PPP6R2: variants seen among roughly 807,000 people sequenced by gnomAD.
PPP6R2 encodes the protein protein phosphatase 6 regulatory subunit 2.
A neutral mutation model predicts 100.2 loss-of-function variants in PPP6R2; 62 were observed. That is an observed-to-expected ratio of 0.62 (90% CI 0.50 to 0.76). The LOEUF is 0.76. Among genes scored for constraint, PPP6R2 ranks in the 30% least tolerant of loss-of-function variants. The probability of loss-of-function intolerance (pLI) is 0.00; values close to 1 mark genes in which losing one functional copy is unlikely to be tolerated. For synonymous variants in PPP6R2, 525 were observed against 514.7 expected (o/e 1.02, Z -0.27); for missense variants, 1,142 against 1,276.3 (o/e 0.89, Z 1.60).
intron 10 of PPP6R2, among the ~76,000 whole-genome samples, chr22:50,429,331 G>A (rs940003056): frequency 1.6e-4 from 24 of 152,174 alleles, no homozygotes; most frequent in Admixed American, 7.9e-4. Flanking sequence ...GCACCTGGCC[G>A]TATGTGGAAT....
At chr22:50,389,836 G>A (rs549440976) in intron 2 of PPP6R2, among the ~76,000 whole-genome samples, 1 of 151,948 alleles carries the variant, frequency 6.6e-6, no homozygotes, top group Non-Finnish European at 1.5e-5. Context: ...TGATCTGCCC[G>A]CCTTGGCCCC....
intron 1 of PPP6R2, among the ~76,000 whole-genome samples, chr22:50,350,013 G>A (rs1371720800): frequency 6.6e-6 from 1 of 151,790 alleles, no homozygotes; most frequent in Non-Finnish European, 1.5e-5. Context: ...AGCTATTCGG[G>A]AGCCTGAGGC....
Position 50,439,961 on chromosome 22 carries a change from C to A in PPP6R2, c.2286C>A (p.Cys762Ter). 6.2e-7 allele frequency: 1 copy of A among 1,613,374 alleles called. No homozygotes were observed. Among genetic ancestry groups the A allele is most frequent in the Non-Finnish European group, 8.5e-7 (1 of 1,179,770 alleles). ...AKFTDFQPFC[C>*]SESGPRCSSP... ...ATCCTGTCCTCGTCCTTGTATGCAGCTCCGAGTCAGGGCCCAGGTGCAGCT... is the reference window on the plus strand; with the variant it reads ...ATCCTGTCCTCGTCCTTGTATGCAGATCCGAGTCAGGGCCCAGGTGCAGCT... The change falls in exon 21 of 24, where the codon TGC becomes TGA. Residue 762 changes from cysteine (C) to a stop codon, truncating the protein, a stop_gained and splice_region_variant. Transcript: ENST00000612753. LOFTEE classifies it high-confidence loss of function.
chr22:50,363,440 TC>T (rs1451269321), intron 1 of PPP6R2, among the ~76,000 whole-genome samples: 1 of 152,230 alleles, frequency 6.6e-6, no homozygotes, highest in Non-Finnish European at 1.5e-5. Context: ...AGAGCAAGCT[TC>T]CTTTTTTTCC....
In PPP6R2 at chr22:50,444,543, G is replaced by GGGGTC. The variant is rs1338849759; in HGVS notation, c.*299_*300insTCGGG. The GGGGTC allele has an allele frequency of 1.8e-5, 6 of 341,774 alleles. No homozygotes were observed. The highest frequency in any genetic ancestry group is 9.9e-5 in the Admixed American group (2 of 20,202). 21.2% of individuals were successfully genotyped at this position (341,774 alleles called of 1,614,324 possible). On this transcript the variant is annotated 3_prime_UTR_variant, in exon 24 of 24. Coordinates refer to ENST00000612753, the MANE Select transcript of PPP6R2 (RefSeq NM_001242898.2). ...AGGAGCCGGGGTGGGGGTGGGGGTG[G>GGGGTC]GGGGGGCAGGACCCTGAGATGCCAC...
rs2064456917 is a variant in PPP6R2 at position 50,437,018 on chromosome 22, G to T, written c.1633G>T (p.Glu545Ter). The change falls in exon 15 of 24, where the codon GAG (glutamate) becomes TAG (stop). Residue 545 changes from glutamate to a stop codon, truncating the protein, a stop_gained. Coordinates refer to ENST00000612753, the MANE Select transcript of PPP6R2 (RefSeq NM_001242898.2). LOFTEE classifies it high-confidence loss of function. ...VSTHHLHSSSEDEDIEGAFPN... is the reference protein window; with the variant it reads ...VSTHHLHSSS ...CACTCACCACCTTCACTCCTCAAGT[G>T]AGGACGAGGACATTGAGGGTGCTTT... 1.3e-6 allele frequency: 2 copies of T among 1,562,146 alleles called. No individual in the cohort carries two copies. The highest frequency in any genetic ancestry group is 2.4e-5 in the East Asian group (1 of 41,860).
upstream of PPP6R2, among the ~76,000 whole-genome samples, chr22:50,342,205 G>C (rs541182602): frequency 6.6e-6 from 1 of 152,350 alleles, no homozygotes; most frequent in East Asian, 1.9e-4. Context: ...GGCAGGAGAA[G>C]GGCATAGCCT....
intron 4 of PPP6R2, among the ~76,000 whole-genome samples, chr22:50,409,806 A>G (rs2059489782): frequency 6.6e-6 from 1 of 152,158 alleles, no homozygotes; most frequent in Non-Finnish European, 1.5e-5. Flanking sequence ...GGCTCATTGC[A>G]ACCTCTGCCT....
At position 50,416,138 on chromosome 22, in the gene PPP6R2, A is replaced by G. The variant is rs766551819; in HGVS notation, c.599A>G (p.His200Arg). ...KVIQRLVELIHPSQDEDRQSN... is the reference protein window; with the variant it reads ...KVIQRLVELIRPSQDEDRQSN... Reference sequence around the variant, plus strand: ...ATCCAGAGGCTTGTGGAGTTGATCCACCCGAGCCAGGATGAAGATGTGAGT... The same window carrying G: ...ATCCAGAGGCTTGTGGAGTTGATCCGCCCGAGCCAGGATGAAGATGTGAGT... Residue 200 changes from histidine to arginine, a missense_variant, in exon 6 of 24, where the codon CAC becomes CGC. Around this residue, in one of 2 missense-constraint regions of PPP6R2, gnomAD observed 592 missense variants for 758.9 expected, o/e 0.78. Transcript: ENST00000612753. 1.2e-6 allele frequency: 2 copies of G among 1,613,420 alleles called. No homozygotes were observed. Among genetic ancestry groups the G allele is most frequent in the Admixed American group, 3.3e-5 (2 of 59,988 alleles).
intron 1 of PPP6R2, among the ~76,000 whole-genome samples, chr22:50,368,877 G>A (rs2049339748): frequency 6.6e-6 from 1 of 152,148 alleles, no homozygotes; most frequent in South Asian, 2.1e-4. Context: ...ACACTGAGTA[G>A]AATTTGTTAA....
chr22:50,437,214 G>T, intron 15 of PPP6R2, 146 bp downstream of exon 15: 1 of 829,936 alleles, frequency 1.2e-6, no homozygotes, highest in South Asian at 1.6e-5. Flanking sequence ...GGCGGGGTGG[G>T]TCTGAAGGGA....
At chr22:50,352,439 T>C (rs1231862647) in intron 1 of PPP6R2, among the ~76,000 whole-genome samples, 5 of 152,072 alleles carry the variant, frequency 3.3e-5, no homozygotes, top group Admixed American at 1.3e-4. Flanking sequence ...CATTAAAACT[T>C]TCTGCAGGCA....
Position 50,394,133 on chromosome 22 carries a change from C to T in PPP6R2, c.225C>T (p.Phe75=), listed in dbSNP as rs2056219298. 1 of 1,613,696 alleles carries T rather than the reference C, an allele frequency of 6.2e-7. No individual in the cohort carries two copies. The highest frequency in any genetic ancestry group is 1.7e-5 in the Admixed American group (1 of 59,994). ...TGGACATGGAGGAGAAGGTCCGCTT[C>T]AAGTATGTACCAAAGCTGTGACGGG... ...PPLDMEEKVR[F]KYPNTACELL... Residue 75 remains phenylalanine (F), a splice_region_variant and synonymous_variant, in exon 3 of 24, where the codon TTC becomes TTT. Transcript: ENST00000612753.
At chr22:50,337,237 T>G in the PPP6R2 span, among the ~76,000 whole-genome samples, 2 of 121,328 alleles carry the variant, frequency 1.6e-5, no homozygotes, top group East Asian at 2.5e-4. Flanking sequence ...TGTGGTGTAT[T>G]GGTGTGTGTG....
At chr22:50,371,292 G>A (rs545013065) in intron 1 of PPP6R2, among the ~76,000 whole-genome samples, 6 of 152,236 alleles carry the variant, frequency 3.9e-5, no homozygotes, top group African/African-American at 1.2e-4. Flanking sequence ...GTAATGTGCT[G>A]TGTGAACTGG....
chr22:50,393,872 C>G (rs765511192), intron 2 of PPP6R2, 21 bp from the exon 3 acceptor site: 1 of 1,613,174 alleles, frequency 6.2e-7, no homozygotes, highest in African/African-American at 1.3e-5. Context: ...AGAGACGTGA[C>G]CCCTTTGCCC....
intron 10 of PPP6R2, among the ~76,000 whole-genome samples, chr22:50,430,969 G>A (rs538138172): frequency 2.0e-5 from 3 of 152,102 alleles, no homozygotes; most frequent in African/African-American, 7.2e-5. Flanking sequence ...GCAGGAGGCA[G>A]AAGTGCTCAG....
chr22:50,357,846 T>G (rs150056134), intron 1 of PPP6R2, among the ~76,000 whole-genome samples: 314 of 152,200 alleles, frequency 2.1e-3, no homozygotes, highest in Non-Finnish European at 3.4e-3. Context: ...GGGTGGTCTT[T>G]AACTCCTGAC....
chr22:50,436,510 C>G, intron 14 of PPP6R2, 58 bp downstream of exon 14: 2 of 1,510,514 alleles, frequency 1.3e-6, no homozygotes, highest in Admixed American at 2.0e-5. Flanking sequence ...CGCCGTCAGA[C>G]GCTCCTGCCT....
Sources: gnomAD v4.1 joint callset for allele counts (sites outside exome capture counted in the v4.1 genomes callset) on GRCh38, gnomAD v4.1.1 for gene constraint, gnomAD v4.1.1 regional missense constraint, MANE v1.5 for transcripts, NCBI Gene and HGNC (gene_info 2026-07-23, HGNC 2026-07-21) for gene names.